Variants in DLG5 observed in about 807,000 individuals in gnomAD.
The protein encoded by DLG5 is disks large homolog 5.
DLG5 carries 48 observed loss-of-function variants against 189.8 expected under a neutral mutation model. The observed-to-expected ratio is 0.25, with a 90% CI of 0.20 to 0.32. The LOEUF (loss-of-function observed/expected upper bound fraction) is 0.32, where lower values mean the gene tolerates loss of function less well. Ranked by LOEUF, DLG5 falls within the 10% of genes least tolerant of loss-of-function variation. The pLI is 1.00. For missense variants in DLG5, 2,160 were observed against 2,544.7 expected (o/e 0.85, Z 3.25); for synonymous variants, 1,016 against 1,054.1 (o/e 0.96, Z 0.70).
intron 20 of DLG5, chr10:77,815,898 T>G (rs1842026515): frequency 2.8e-6 from 1 of 358,616 alleles, no homozygotes; most frequent in African/African-American, 2.1e-5. Flanking sequence ...GTGTGCACAG[T>G]GCGCGGGGGT....
chr10:77,830,687 G>T (rs978390247), intron 10 of DLG5, 54 bp downstream of exon 10: 1 of 1,598,788 alleles, frequency 6.3e-7, no homozygotes, highest in African/African-American at 1.3e-5. Context: ...GCGGGTCACC[G>T]TCTCCTCCTT....
At chr10:77,904,775 A>C (rs879319002) in intron 1 of DLG5, among the ~76,000 whole-genome samples, 56 of 152,034 alleles carry the variant, frequency 3.7e-4, no homozygotes, top group African/African-American at 1.1e-3. Context: ...CAAATAAAAA[A>C]AAAAACAAAA....
chr10:77,908,778 A>G (rs1418000817), intron 1 of DLG5, among the ~76,000 whole-genome samples: 1 of 151,160 alleles, frequency 6.6e-6, no homozygotes, highest in Non-Finnish European at 1.5e-5. Flanking sequence ...CAACAAGACA[A>G]TAAACTCCTG....
In DLG5 at chr10:77,821,765, G is replaced by T; in HGVS notation, c.2719C>A (p.Leu907Met). The change falls in exon 15 of 32, where the codon CTG (leucine) becomes ATG (methionine). Residue 907 changes from leucine to methionine, a missense_variant. Leu to Met is a conservative substitution (Grantham distance 15). This residue lies in a region of DLG5 where 754 missense variants were observed against 746.5 expected (regional missense o/e 1.01). Coordinates refer to ENST00000372391, the MANE Select transcript of DLG5 (RefSeq NM_004747.4). ...SDASGDRGFGLVDVRGRRPLL... is the reference protein window; with the variant it reads ...SDASGDRGFGMVDVRGRRPLL... Reference sequence around the variant, plus strand: ...GGCCGCCGGCCACGCACGTCCACCAGCCCAAAGCCACGGTCCCCAGAGGCA... The same window carrying T: ...GGCCGCCGGCCACGCACGTCCACCATCCCAAAGCCACGGTCCCCAGAGGCA... 1 of 1,609,544 alleles carries T rather than the reference G, an allele frequency of 6.2e-7. No homozygotes were observed.
In DLG5 at chr10:77,854,384, C is replaced by T. The variant is rs377348225; in HGVS notation, c.537-14G>A. ...CTGTGGTAGGGCCTGGCCCAGAGAG[C>T]GAATGGCCCCATGAACACAGGCCCC... is the stretch of plus-strand genomic sequence containing the variant. On this transcript the variant is annotated splice_polypyrimidine_tract_variant and intron_variant, in intron 3 of 31. Transcript: ENST00000372391. 8.1e-5 allele frequency: 131 copies of T among 1,613,220 alleles called. 1 individual carries two copies. The African/African-American group carries it at 1.5e-3, about 19-fold the overall frequency.
rs1052377412 is a variant in DLG5 at position 77,926,416 on chromosome 10, C to T, written c.105G>A (p.Ala35=). The T allele has an allele frequency of 3.2e-6, 5 of 1,581,358 alleles. No homozygotes were observed. The African/African-American group carries it at 4.1e-5, about 13-fold the overall frequency. Residue 35 remains alanine (A), a synonymous_variant, in exon 1 of 32, where the codon GCG becomes GCA. Coordinates refer to ENST00000372391, the MANE Select transcript of DLG5 (RefSeq NM_004747.4). The surrounding 1 kb of genome is among the most constrained non-coding windows in gnomAD (Gnocchi z 5.2). ...AVLGLLEAAG[A]LSPGERRQLD... is the part of the protein sequence containing the mutation. ...GCTGCCGCCGCTCGCCGGGACTGAG[C>T]GCTCCCGCGGCCTCGAGCAGCCCGA...
intron 1 of DLG5, among the ~76,000 whole-genome samples, chr10:77,916,912 T>C (rs1316160718): frequency 1.4e-5 from 2 of 145,132 alleles, no homozygotes; most frequent in Non-Finnish European, 3.0e-5. Flanking sequence ...AGAATATATA[T>C]ATATATATAT....
chr10:77,809,519 C>A, intron 24 of DLG5, 28 bp downstream of exon 24: 1 of 1,596,216 alleles, frequency 6.3e-7, no homozygotes, highest in South Asian at 1.1e-5. Context: ...AGATGGAGGC[C>A]TGGCCTGCTC....
chr10:77,861,913 GCT>G (rs1844486940), intron 2 of DLG5, among the ~76,000 whole-genome samples: 4 of 152,130 alleles, frequency 2.6e-5, no homozygotes, highest in African/African-American at 4.8e-5. Flanking sequence ...CACACATCAG[GCT>G]CTCAGACCCA....
chr10:77,889,097 G>C (rs1274705419), intron 1 of DLG5, among the ~76,000 whole-genome samples: 63 of 135,590 alleles, frequency 4.6e-4, no homozygotes, highest in Non-Finnish European at 8.1e-4. Context: ...TAACCTCCCA[G>C]GCCTCACAAG....
intron 1 of DLG5, among the ~76,000 whole-genome samples, chr10:77,873,573 T>C (rs1844989215): frequency 6.6e-6 from 1 of 152,030 alleles, no homozygotes; most frequent in Non-Finnish European, 1.5e-5. Flanking sequence ...CGAACAATAA[T>C]GGAATGCCCC....
At chr10:77,837,610 C>A (rs1047639140) in intron 7 of DLG5, among the ~76,000 whole-genome samples, 2 of 152,202 alleles carry the variant, frequency 1.3e-5, no homozygotes, top group Non-Finnish European at 2.9e-5. Context: ...GTACCTTAAA[C>A]AAATGGTAAA....
intron 11 of DLG5, 103 bp downstream of exon 11, chr10:77,830,114 G>A: frequency 6.8e-7 from 1 of 1,467,844 alleles, no homozygotes; most frequent in Non-Finnish European, 9.3e-7. Flanking sequence ...GTGAGTCTAA[G>A]GCTGGGAAAC....
At chr10:77,895,784 C>A (rs566596083) in intron 1 of DLG5, among the ~76,000 whole-genome samples, 1 of 152,112 alleles carries the variant, frequency 6.6e-6, no homozygotes, top group Non-Finnish European at 1.5e-5. Context: ...CCGAGGCAGG[C>A]GGATCACTTG....
the DLG5 span, among the ~76,000 whole-genome samples, chr10:77,937,147 G>T: frequency 6.6e-6 from 1 of 152,036 alleles, no homozygotes; most frequent in African/African-American, 2.4e-5. Context: ...CCAGAGCTTG[G>T]CTGTCTTCTA....
intron 12 of DLG5, 50 bp from the exon 13 acceptor site, chr10:77,829,035 C>T: frequency 6.4e-7 from 1 of 1,556,948 alleles, no homozygotes; most frequent in Non-Finnish European, 8.8e-7. Flanking sequence ...GCTGCCCAGC[C>T]CTGGGTCACC....
chr10:77,805,970 C>A, intron 26 of DLG5, 109 bp from the exon 27 acceptor site: 1 of 1,092,098 alleles, frequency 9.2e-7, no homozygotes, highest in Non-Finnish European at 1.3e-6. Flanking sequence ...TGGGCTCCCC[C>A]CACACTCCTT....
At position 77,854,309 on chromosome 10, in the gene DLG5, A is replaced by G; in HGVS notation, c.598T>C (p.Ser200Pro). 5.6e-6 allele frequency: 9 copies of G among 1,614,212 alleles called. No homozygotes were observed. Among genetic ancestry groups the G allele is most frequent in the Non-Finnish European group, 7.6e-6 (9 of 1,180,038 alleles). The change falls in exon 4 of 32, where the codon TCG becomes CCG. Residue 200 changes from serine (S) to proline (P), a missense_variant. Ser to Pro is a moderately conservative substitution (Grantham distance 74, BLOSUM62 -1). Transcript: ENST00000372391. ...RLKIQCVRAM[S>P]DLQSLQNQHT... is the part of the protein sequence containing the mutation. ...TGGTTCTGCAGGCTCTGCAGGTCCG[A>G]CATGGCTCGCACGCACTGGATCTTC... is the stretch of plus-strand genomic sequence containing the variant.
intron 2 of DLG5, among the ~76,000 whole-genome samples, chr10:77,858,965 T>A (rs1844364775): frequency 6.6e-6 from 1 of 152,170 alleles, no homozygotes; most frequent in African/African-American, 2.4e-5. Context: ...CTCTGCCTCC[T>A]GGGCTCAAGC....
Sources: allele counts gnomAD v4.1 joint callset (sites outside exome capture counted in the v4.1 genomes callset), GRCh38; gene constraint gnomAD v4.1.1; regional missense constraint gnomAD v4.1.1; non-coding constraint Gnocchi (gnomAD v3.1); transcripts MANE v1.5; gene names NCBI Gene and HGNC (gene_info 2026-07-23, HGNC 2026-07-21).